Variants in GTF3C5 observed in about 807,000 individuals in gnomAD.
GTF3C5 encodes general transcription factor IIIC subunit 5.
GTF3C5 carries 47 observed loss-of-function variants against 61.0 expected under a neutral mutation model. The observed-to-expected ratio is 0.77, with a 90% CI of 0.61 to 0.98. The LOEUF is 0.98. Ranked by LOEUF, GTF3C5 falls within the 50% of genes least tolerant of loss-of-function variation. GTF3C5 has a pLI of 0.00. For missense variants in GTF3C5, 659 were observed against 703.3 expected (o/e 0.94, Z 0.71); for synonymous variants, 295 against 275.4 (o/e 1.07, Z -0.71).
chr9:133,033,053 T>C (rs1407210665), intron 1 of GTF3C5, among the ~76,000 whole-genome samples: 1 of 152,218 alleles, frequency 6.6e-6, no homozygotes, highest in African/African-American at 2.4e-5. Flanking sequence ...GCTGTTCCTT[T>C]GATAGCATTC....
intron 1 of GTF3C5, among the ~76,000 whole-genome samples, chr9:133,038,624 T>G (rs1009289390): frequency 5.5e-5 from 7 of 128,084 alleles, no homozygotes; most frequent in Non-Finnish European, 1.0e-4. Flanking sequence ...CTAATTTTTG[T>G]TTTTTTTTTT....
In GTF3C5 at chr9:133,058,439, T is replaced by G. The variant is rs909014539; in HGVS notation, c.*459T>G. 2.5e-5 allele frequency: 4 copies of G among 160,054 alleles called. No individual in the cohort carries two copies. The highest frequency in any genetic ancestry group is 9.6e-5 in the African/African-American group (4 of 41,508). 9.9% of individuals were successfully genotyped at this position (160,054 alleles called of 1,614,324 possible). ...CCTTTAGCTCTGGATCCCAACCGTT[T>G]GGCACAGCTTTGGCCACAGCCAGGC... On this transcript the variant is annotated 3_prime_UTR_variant, in exon 11 of 11. Transcript: ENST00000372097.
Position 133,054,463 on chromosome 9 carries a change from C to T in GTF3C5, c.1044C>T (p.Ser348=), listed in dbSNP as rs373776730. The part of the protein sequence containing the change: ...VKAKRSTYNY[S]LPITVKKTSS... ...CAAAGCGCAGCACCTACAACTACAGCCTCCCCATCACCGTCAAGAAGACAT... is the reference window on the plus strand; with the variant it reads ...CAAAGCGCAGCACCTACAACTACAGTCTCCCCATCACCGTCAAGAAGACAT... Residue 348 remains serine (S), a synonymous_variant, in exon 7 of 11, where the codon AGC becomes AGT. Transcript: ENST00000372097. 8.7e-6 allele frequency: 14 copies of T among 1,614,034 alleles called. No homozygotes were observed. The African/African-American group carries it at 1.7e-4, about 20-fold the overall frequency.
chr9:133,045,503 G>A (rs895082352), intron 3 of GTF3C5, among the ~76,000 whole-genome samples: 4 of 152,140 alleles, frequency 2.6e-5, no homozygotes, highest in Non-Finnish European at 4.4e-5. Context: ...GGCCTGCTTC[G>A]GTCTCTGTCA....
intron 3 of GTF3C5, among the ~76,000 whole-genome samples, chr9:133,048,801 G>A (rs931658473): frequency 6.6e-5 from 10 of 152,180 alleles, no homozygotes; most frequent in African/African-American, 2.4e-4. Context: ...GAGGGAGGAG[G>A]GCCAGCTGCC....
Position 133,056,919 on chromosome 9 carries a change from C to A in GTF3C5, c.1393+11C>A. On this transcript the variant is annotated intron_variant, in intron 10 of 10. Coordinates refer to ENST00000372097, the MANE Select transcript of GTF3C5 (RefSeq NM_012087.4). ...GCTCCAAGAGGCCTGGTAAGAGCCG[C>A]TTGGGGTAAAGGGGGTCCAGGATGC... 6.3e-7 allele frequency: 1 copy of A among 1,587,306 alleles called. No individual in the cohort carries two copies. The highest frequency in any genetic ancestry group is 8.6e-7 in the Non-Finnish European group (1 of 1,166,272).
At chr9:133,051,942 T>C in intron 4 of GTF3C5, 118 bp from the exon 5 acceptor site, 1 of 571,172 alleles carries the variant, frequency 1.8e-6, no homozygotes, top group Non-Finnish European at 3.2e-6. Context: ...GTCCAGCCCC[T>C]GTCCTCTACC....
chr9:133,043,947 G>T (rs904957049), intron 3 of GTF3C5, 21 bp downstream of exon 3: 1 of 1,581,724 alleles, frequency 6.3e-7, no homozygotes, highest in East Asian at 2.2e-5. Flanking sequence ...CCTCCATGCA[G>T]CCTCGGTTCT....
intron 2 of GTF3C5, among the ~76,000 whole-genome samples, chr9:133,043,084 G>T (rs961473014): frequency 5.9e-5 from 9 of 152,192 alleles, no homozygotes; most frequent in Non-Finnish European, 1.2e-4. Context: ...AGATTGAGAA[G>T]GGCAAAGAGG....
chr9:133,053,676 G>A (rs928034505), intron 5 of GTF3C5, 152 bp from the exon 6 acceptor site: 1 of 480,530 alleles, frequency 2.1e-6, no homozygotes, highest in African/African-American at 2.0e-5. Flanking sequence ...CCTCACCAAG[G>A]TGACAGGGCC....
intron 3 of GTF3C5, among the ~76,000 whole-genome samples, chr9:133,045,404 G>T (rs1351883596): frequency 6.6e-6 from 1 of 152,310 alleles, no homozygotes; most frequent in African/African-American, 2.4e-5. Context: ...CCTGATTTTT[G>T]TATGCTCTAC....
rs1196649026 is a variant in GTF3C5, at chr9:133,057,873, G to T, written c.1453G>T (p.Gly485Trp). The change falls in exon 11 of 11, where the codon GGG becomes TGG. Residue 485 changes from glycine to tryptophan, a missense_variant. Coordinates refer to ENST00000372097, the MANE Select transcript of GTF3C5 (RefSeq NM_012087.4). Reference protein sequence around the residue: ...GGKEQLTYESGEDEEDEEEEE... With the variant: ...GGKEQLTYESWEDEEDEEEEE... ...AAAAGAGCAGCTGACGTACGAGTCTGGGGAAGACGAGGAGGATGAGGAGGA... is the reference window on the plus strand; with the variant it reads ...AAAAGAGCAGCTGACGTACGAGTCTTGGGAAGACGAGGAGGATGAGGAGGA... 6.2e-7 allele frequency: 1 copy of T among 1,613,786 alleles called. No individual in the cohort carries two copies. The highest frequency in any genetic ancestry group is 2.2e-5 in the East Asian group (1 of 44,870).
chr9:133,041,991 T>C, intron 1 of GTF3C5, 96 bp from the exon 2 acceptor site: 1 of 814,410 alleles, frequency 1.2e-6, no homozygotes, highest in Non-Finnish European at 2.0e-6. Context: ...TGGCCTTTCC[T>C]GGATCACCGT....
chr9:133,031,204 G>A (rs1849722240), intron 1 of GTF3C5, 40 bp downstream of exon 1: 2 of 1,504,988 alleles, frequency 1.3e-6, no homozygotes, highest in Admixed American at 2.2e-5. Flanking sequence ...TAAGAGCTCG[G>A]AGTCGCAAAG....
intron 1 of GTF3C5, 81 bp from the exon 2 acceptor site, chr9:133,042,006 C>A: frequency 2.1e-6 from 2 of 952,870 alleles, no homozygotes; most frequent in Middle Eastern, 3.3e-4. Context: ...CACCGTCAGG[C>A]TTTTATTGAG....
At chr9:133,051,861 C>A in intron 4 of GTF3C5, 199 bp from the exon 5 acceptor site, 1 of 444,178 alleles carries the variant, frequency 2.3e-6, no homozygotes. Context: ...ACAGGCTGGG[C>A]ATGCAGCCCA....
chr9:133,043,998 C>T, intron 3 of GTF3C5, 72 bp downstream of exon 3: 1 of 1,122,252 alleles, frequency 8.9e-7, no homozygotes, highest in Non-Finnish European at 1.3e-6. Context: ...GAGGCTCACA[C>T]ACTGGGCGTG....
chr9:133,055,842 T>G, intron 8 of GTF3C5, 170 bp from the exon 9 acceptor site: 5 of 1,411,228 alleles, frequency 3.5e-6, no homozygotes, highest in Non-Finnish European at 2.8e-6. Flanking sequence ...GAGTTGGACA[T>G]TGTTTTTTCC....
At chr9:133,052,268 C>T in intron 5 of GTF3C5, 104 bp downstream of exon 5, 1 of 630,946 alleles carries the variant, frequency 1.6e-6, no homozygotes, top group Non-Finnish European at 2.9e-6. Context: ...AACCCCCTAT[C>T]CTGGCTCCCC....
Sources: allele counts gnomAD v4.1 joint callset (sites outside exome capture counted in the v4.1 genomes callset), GRCh38; gene constraint gnomAD v4.1.1; transcripts MANE v1.5; gene names NCBI Gene and HGNC (gene_info 2026-07-23, HGNC 2026-07-21).